LEF1: variants seen among roughly 807,000 people sequenced by gnomAD.
The protein encoded by LEF1 is lymphoid enhancer-binding factor 1.
A neutral mutation model predicts 51.2 loss-of-function variants in LEF1; 14 were observed. That is an observed-to-expected ratio of 0.27 (90% CI 0.18 to 0.43). LEF1 has a LOEUF of 0.43. LEF1 is among the 20% of genes least tolerant of loss of function. The pLI, the probability that LEF1 is intolerant of heterozygous loss-of-function variation, is 1.00. For synonymous variants in LEF1, 185 were observed against 183.2 expected (o/e 1.01, Z -0.08); for missense variants, 386 against 512.0 (o/e 0.75, Z 2.37).
At chr4:108,058,987 A>T (rs958096746) in intron 11 of LEF1, among the ~76,000 whole-genome samples, 6 of 152,228 alleles carry the variant, frequency 3.9e-5, no homozygotes. Flanking sequence ...TAAACAGATG[A>T]ATCTGGCCTC....
chr4:108,157,211 CACACACACAA>C lies in LEF1; in HGVS notation c.414+6347_414+6356del, dbSNP rs1456385752. Among the ~76,000 whole-genome samples the C allele has an allele frequency of 8.8e-5, 13 of 147,800 alleles. 1 individual carries two copies. The highest frequency in any genetic ancestry group is 3.2e-4 in the African/African-American group (12 of 38,030). On this transcript the variant is annotated intron_variant, in intron 3 of 11. Coordinates refer to ENST00000265165, the MANE Select transcript of LEF1 (RefSeq NM_016269.5). ...ACACACACACACACACACACACACA[CACACACACAA>C]ACACACATATAGCTCTTTCGCCCAG...
At chr4:108,058,030 C>T (rs1737421256) in intron 11 of LEF1, among the ~76,000 whole-genome samples, 1 of 152,034 alleles carries the variant, frequency 6.6e-6, no homozygotes, top group African/African-American at 2.4e-5. Flanking sequence ...CCTGCCACCA[C>T]ACCTGGCTAA....
chr4:108,167,568 C>T lies in LEF1; in HGVS notation c.200G>A (p.Ser67Asn). The change falls in exon 1 of 12, where the codon AGC becomes AAC. Residue 67 changes from serine (S) to asparagine (N), a missense_variant. Transcript: ENST00000265165. The surrounding 1 kb of genome is among the most constrained non-coding windows in gnomAD (Gnocchi z 5.7). The stretch of plus-strand genomic sequence containing the variant: ...CGGCCCGCTCACCTCGTGTCCGTTG[C>T]TGGCCGGGATGATTTCAGACTCGTT... ...LVNESEIIPA[S>N]NGHEVARQAQ... is the part of the protein sequence containing the mutation. 6.2e-7 allele frequency: 1 copy of T among 1,614,166 alleles called. No individual in the cohort carries two copies. The highest frequency in any genetic ancestry group is 8.5e-7 in the Non-Finnish European group (1 of 1,179,992).
chr4:108,113,469 G>A (rs1381280842), intron 3 of LEF1, among the ~76,000 whole-genome samples: 5 of 152,276 alleles, frequency 3.3e-5, no homozygotes, highest in Admixed American at 1.3e-4. Flanking sequence ...GGAGGGAAAC[G>A]GGGACCAAAG....
chr4:108,131,732 A>G (rs939058884), intron 3 of LEF1, among the ~76,000 whole-genome samples: 32 of 152,292 alleles, frequency 2.1e-4, no homozygotes, highest in Admixed American at 1.4e-3. Flanking sequence ...TGACATGCTA[A>G]GAGTCCTAGA....
Position 108,165,161 on chromosome 4 carries a change from C to T in LEF1, c.216G>A (p.Val72=), listed in dbSNP as rs1745306303. Residue 72 remains valine, a splice_region_variant and synonymous_variant, in exon 2 of 12, where the codon GTG becomes GTA. Coordinates refer to ENST00000265165, the MANE Select transcript of LEF1 (RefSeq NM_016269.5). The part of the protein sequence containing the change: ...EIIPASNGHE[V]ARQAQTSQEP... The stretch of plus-strand genomic sequence containing the variant: ...CCTGAGAGGTTTGTGCTTGTCTGGC[C>T]ACCTAACATCATGAATCCCCACACC... 1 of 1,613,808 alleles carries T rather than the reference C, an allele frequency of 6.2e-7. No homozygotes were observed. Among genetic ancestry groups the T allele is most frequent in the South Asian group, 1.1e-5 (1 of 91,068 alleles).
At chr4:108,108,185 G>C (rs942875699) in intron 3 of LEF1, among the ~76,000 whole-genome samples, 1 of 152,196 alleles carries the variant, frequency 6.6e-6, no homozygotes, top group African/African-American at 2.4e-5. Flanking sequence ...TTTTAACAGT[G>C]TGCTTCGACT....
intron 3 of LEF1, among the ~76,000 whole-genome samples, chr4:108,141,329 C>A (rs1743635436): frequency 6.6e-6 from 1 of 152,136 alleles, no homozygotes; most frequent in Non-Finnish European, 1.5e-5. Flanking sequence ...CCAATTGTAA[C>A]CTCATTTTCT....
intron 9 of LEF1, among the ~76,000 whole-genome samples, chr4:108,064,733 T>C (rs1737955525): frequency 6.6e-6 from 1 of 151,486 alleles, no homozygotes; most frequent in Admixed American, 6.6e-5. Context: ...CTTCTCTCTC[T>C]CTCTCTCTCA....
rs200684581 is a variant in LEF1, at chr4:108,163,646, G to A, written c.336C>T (p.Ser112=). 5.0e-6 allele frequency: 8 copies of A among 1,613,598 alleles called. No homozygotes were observed. The highest frequency in any genetic ancestry group is 2.7e-5 in the African/African-American group (2 of 74,974). Residue 112 remains serine (S), a synonymous_variant, in exon 3 of 12, where the codon TCC becomes TCT. Transcript: ENST00000265165. ...TCATATTTGGCATCATTATGTACCC[G>A]GAATAACTCGAGTAGGAGGGTCCCT... ...YNKGPSYSSY[S]GYIMMPNMNN...
intron 2 of LEF1, among the ~76,000 whole-genome samples, chr4:108,164,698 A>T (rs1745271094): frequency 6.6e-6 from 1 of 152,228 alleles, no homozygotes; most frequent in Non-Finnish European, 1.5e-5. Context: ...GCAATTTTGC[A>T]AGTGAAAATC....
chr4:108,068,288 A>G (rs768930978), intron 9 of LEF1, among the ~76,000 whole-genome samples: 5 of 152,092 alleles, frequency 3.3e-5, no homozygotes, highest in Non-Finnish European at 5.9e-5. Context: ...AAAACAAAAC[A>G]AAACAAAACA....
intron 3 of LEF1, among the ~76,000 whole-genome samples, chr4:108,132,611 C>A (rs1362510449): frequency 1.4e-5 from 2 of 147,914 alleles, no homozygotes; most frequent in Admixed American, 6.8e-5. Context: ...TCTAACAACC[C>A]TCAACTACAG....
intron 11 of LEF1, among the ~76,000 whole-genome samples, chr4:108,054,406 CGCT>C (rs1737193785): frequency 6.6e-6 from 1 of 152,206 alleles, no homozygotes; most frequent in Admixed American, 6.5e-5. Flanking sequence ...GCAGACGCAG[CGCT>C]GCTACTCGCC....
intron 11 of LEF1, among the ~76,000 whole-genome samples, chr4:108,062,300 G>A (rs1737747599): frequency 6.6e-6 from 1 of 152,188 alleles, no homozygotes; most frequent in South Asian, 2.1e-4. Context: ...AAAGCCAAAT[G>A]AGCTGCAGTA....
intron 3 of LEF1, among the ~76,000 whole-genome samples, chr4:108,091,635 A>G (rs983474719): frequency 6.6e-6 from 1 of 152,094 alleles, no homozygotes; most frequent in African/African-American, 2.4e-5. Context: ...TTCTCTACAC[A>G]CCTCAGCACA....
At chr4:108,166,811 T>C in intron 1 of LEF1, 1 of 985,948 alleles carries the variant, frequency 1.0e-6, no homozygotes, top group Non-Finnish European at 1.2e-6. Flanking sequence ...GTGGGTTTGT[T>C]TCCAAGTGAT....
At chr4:108,080,938 C>T (rs1196191857) in intron 6 of LEF1, among the ~76,000 whole-genome samples, 2 of 152,122 alleles carry the variant, frequency 1.3e-5, no homozygotes, top group African/African-American at 4.8e-5. Context: ...GGGCACAGTG[C>T]CATCCTCTCC....
intron 3 of LEF1, among the ~76,000 whole-genome samples, chr4:108,112,883 C>T (rs998084923): frequency 3.9e-5 from 6 of 152,122 alleles, no homozygotes; most frequent in African/African-American, 1.2e-4. Flanking sequence ...TCTAACTCTA[C>T]AAAGTAAAAT....
Sources: gnomAD v4.1 joint callset for allele counts (sites outside exome capture counted in the v4.1 genomes callset) on GRCh38, gnomAD v4.1.1 for gene constraint, Gnocchi (gnomAD v3.1) non-coding constraint, MANE v1.5 for transcripts, NCBI Gene and HGNC (gene_info 2026-07-23, HGNC 2026-07-21) for gene names.